The following AATK variants were observed in gnomAD, a reference collection of about 807,000 sequenced individuals.
AATK encodes the protein serine/threonine-protein kinase LMTK1.
A neutral mutation model predicts 114.3 loss-of-function variants in AATK; 91 were observed. The ratio of observed to expected loss-of-function variants is 0.80; its 90% confidence interval spans 0.67 to 0.95. The LOEUF is 0.95. Among genes scored for constraint, AATK ranks in the 40% least tolerant of loss-of-function variants. The pLI, the probability that AATK is intolerant of heterozygous loss-of-function variation, is 0.00. For synonymous variants in AATK, 1,075 were observed against 916.5 expected (o/e 1.17, Z -3.12); for missense variants, 2,176 against 1,965.2 (o/e 1.11, Z -2.03).
intron 1 of AATK, among the ~76,000 whole-genome samples, chr17:81,140,108 C>A (rs973239061): frequency 6.6e-6 from 1 of 152,264 alleles, no homozygotes; most frequent in Middle Eastern, 3.4e-3. Context: ...GAACTCCTGG[C>A]CTCAAGCAGT....
chr17:81,121,003 C>T lies in AATK; in HGVS notation c.2933G>A (p.Arg978Gln), dbSNP rs766988346. ...GAGGCCACTGAGGGAGGTGGAGAGC[C>T]GTGTCTCGGGCCCGGGGCCCTCACC... ...SEGEGPGPET[R>Q]LSTSLSGLNE... The change falls in exon 11 of 14, where the codon CGG becomes CAG. Residue 978 changes from arginine (R) to glutamine (Q), a missense_variant. Physicochemically the swap from Arg to Gln is conservative, Grantham distance 43. Transcript: ENST00000326724. 1.0e-4 allele frequency: 169 copies of T among 1,610,328 alleles called. 1 individual carries two copies. The highest frequency in any genetic ancestry group is 3.3e-4 in the Middle Eastern group (2 of 6,078).
At position 81,119,361 on chromosome 17, in the gene AATK, A is replaced by G; in HGVS notation, c.4084+19T>C. ...TGCCTCCCGCGTGCCCTTCTGCCAC[A>G]GCCCCGCCCAGGCCTCACCTCTCTT... is the stretch of plus-strand genomic sequence containing the variant. On this transcript the variant is annotated intron_variant, in intron 13 of 13. Transcript: ENST00000326724. 1 of 498,494 alleles carries G rather than the reference A, an allele frequency of 2.0e-6. No individual in the cohort carries two copies. The allele number at this position is 498,494 out of a possible 1,614,324, so 30.9% of individuals were successfully genotyped here.
At chr17:81,165,405 C>T (rs535524310) in intron 1 of AATK, 10 of 290,272 alleles carry the variant, frequency 3.4e-5, no homozygotes, top group Non-Finnish European at 6.2e-5. Flanking sequence ...CCCACCAAGG[C>T]CCCTCTCTTC....
chr17:81,125,712 G>A lies in AATK; in HGVS notation c.756-698C>T, dbSNP rs112807964. Reference sequence around the variant, plus strand: ...ACTTCTGTGCTCAGGACTCAGGGTGGGGACAGAGGCCAACCCAGCCTGTCC... The same window carrying A: ...ACTTCTGTGCTCAGGACTCAGGGTGAGGACAGAGGCCAACCCAGCCTGTCC... On this transcript the variant is annotated intron_variant, in intron 7 of 13. Transcript: ENST00000326724. Among the ~76,000 whole-genome samples, 946 of 152,174 alleles carry A rather than the reference G, an allele frequency of 6.2e-3. 8 individuals are homozygous for A. Among genetic ancestry groups the A allele is most frequent in the South Asian group, 0.043 (207 of 4,820 alleles).
chr17:81,139,202 GGGT>G (rs2146352791), intron 1 of AATK, among the ~76,000 whole-genome samples: 1 of 152,276 alleles, frequency 6.6e-6, no homozygotes, highest in South Asian at 2.1e-4. Context: ...CACACCCAAA[GGGT>G]GGCCTGGCTC....
intron 2 of AATK, among the ~76,000 whole-genome samples, chr17:81,133,016 T>C (rs534878004): frequency 1.3e-5 from 2 of 152,278 alleles, no homozygotes; most frequent in African/African-American, 4.8e-5. Flanking sequence ...CGCCAAGACC[T>C]TGAGGCTCTG....
chr17:81,118,734 C>T (rs2060611318), intron 13 of AATK, among the ~76,000 whole-genome samples: 1 of 152,236 alleles, frequency 6.6e-6, no homozygotes, highest in Admixed American at 6.5e-5. Context: ...GGTGACCTGC[C>T]TGCTTGTTCA....
In AATK at chr17:81,121,983, T is replaced by G; in HGVS notation, c.1953A>C (p.Ser651=). 1 of 1,601,482 alleles carries G rather than the reference T, an allele frequency of 6.2e-7. No homozygotes were observed. The highest frequency in any genetic ancestry group is 1.3e-5 in the African/African-American group (1 of 75,020). ...CAGTCAGCGGCAGCGGGGGCGCCCCTGAGCTCCCCAAAGGGGACGTGCCCA... is the reference window on the plus strand; with the variant it reads ...CAGTCAGCGGCAGCGGGGGCGCCCCGGAGCTCCCCAAAGGGGACGTGCCCA... The part of the protein sequence containing the change: ...DPLGTSPLGS[S]GAPPLPLTGE... Residue 651 remains serine, a synonymous_variant, in exon 11 of 14, where the codon TCA becomes TCC. Coordinates refer to ENST00000326724, the MANE Select transcript of AATK (RefSeq NM_001080395.3).
intron 1 of AATK, among the ~76,000 whole-genome samples, chr17:81,155,269 T>C (rs931932534): frequency 6.6e-6 from 1 of 152,232 alleles, no homozygotes; most frequent in Non-Finnish European, 1.5e-5. Context: ...GTCAAGAGAC[T>C]TAAGTCATCG....
chr17:81,164,294 C>T (rs2061459809), intron 1 of AATK, among the ~76,000 whole-genome samples: 1 of 152,170 alleles, frequency 6.6e-6, no homozygotes, highest in African/African-American at 2.4e-5. Context: ...CCTCCCTAAC[C>T]CTCTCATGGG....
At chr17:81,129,583 C>G (rs1212463157) in intron 3 of AATK, among the ~76,000 whole-genome samples, 1 of 152,200 alleles carries the variant, frequency 6.6e-6, no homozygotes, top group Non-Finnish European at 1.5e-5. Context: ...ATTCCTCCCC[C>G]AGAAAACTGA....
At chr17:81,120,134 G>T (rs895167121) in intron 11 of AATK, 51 bp from the exon 12 acceptor site, 7 of 1,492,786 alleles carry the variant, frequency 4.7e-6, no homozygotes, top group African/African-American at 2.8e-5. Context: ...AGCCGCGGCC[G>T]CTCCCACCCC....
At position 81,120,796 on chromosome 17, in the gene AATK, G is replaced by A. The variant is rs1337223899; in HGVS notation, c.3140C>T (p.Ala1047Val). ...VCLRPGVSGE[A>V]QGSGPGEVLP... ...CACCTCCCCGGGGCCAGAGCCTTGT[G>A]CCTCCCCGGAAACCCCAGGCCTGAG... The change falls in exon 11 of 14, where the codon GCA (alanine) becomes GTA (valine). Residue 1047 changes from alanine (A) to valine (V), a missense_variant. Physicochemically the swap from Ala to Val is moderately conservative, Grantham distance 64. This residue lies in a region of AATK where 1,701 missense variants were observed against 1,394.7 expected (regional missense o/e 1.22). Coordinates refer to ENST00000326724, the MANE Select transcript of AATK (RefSeq NM_001080395.3). 1 of 1,568,730 alleles carries A rather than the reference G, an allele frequency of 6.4e-7. No homozygotes were observed. The highest frequency in any genetic ancestry group is 8.6e-7 in the Non-Finnish European group (1 of 1,157,482).
intron 1 of AATK, chr17:81,165,708 C>G: frequency 1.3e-6 from 2 of 1,519,900 alleles, no homozygotes; most frequent in Non-Finnish European, 1.8e-6. Flanking sequence ...GCCACGGAGT[C>G]ACGACCACGC....
rs760872949 is a variant in AATK at position 81,131,208 on chromosome 17, G to GCGGGC, written c.190-8_190-4dup. 1.2e-4 allele frequency: 186 copies of GCGGGC among 1,571,244 alleles called. 1 individual carries two copies. Among genetic ancestry groups the GCGGGC allele is most frequent in the Middle Eastern group, 1.7e-4 (1 of 6,046 alleles). On this transcript the variant is annotated splice_polypyrimidine_tract_variant and splice_region_variant and intron_variant, in intron 2 of 13. Transcript: ENST00000326724. ...TCCCCCTCCGCATTCTCAAACTCCT[G>GCGGGC]CGGGCCGGGCCGGGCATGAGCGGGG...
chr17:81,141,871 T>C (rs906948319), intron 1 of AATK, among the ~76,000 whole-genome samples: 6 of 152,104 alleles, frequency 3.9e-5, no homozygotes, highest in African/African-American at 1.4e-4. Context: ...GTGCCAGCAG[T>C]TACTTACTTT....
chr17:81,121,139 G>C lies in AATK; in HGVS notation c.2797C>G (p.Arg933Gly). 6.2e-7 allele frequency: 1 copy of C among 1,604,952 alleles called. No individual in the cohort carries two copies. The highest frequency in any genetic ancestry group is 8.5e-7 in the Non-Finnish European group (1 of 1,176,612). The change falls in exon 11 of 14, where the codon CGA (arginine) becomes GGA (glycine). Residue 933 changes from arginine (R) to glycine (G), a missense_variant. Coordinates refer to ENST00000326724, the MANE Select transcript of AATK (RefSeq NM_001080395.3). Reference protein sequence around the residue: ...SATGPSGGQPRALDSGYDTEN... With the variant: ...SATGPSGGQPGALDSGYDTEN... ...GTGTCATAGCCACTGTCCAGCGCTC[G>C]CGGCTGCCCTCCAGAGGGGCCAGTG...
intron 9 of AATK, among the ~76,000 whole-genome samples, chr17:81,123,765 G>T (rs1292912942): frequency 6.6e-6 from 1 of 151,228 alleles, no homozygotes; most frequent in Non-Finnish European, 1.5e-5. Context: ...GGAGAGAGGG[G>T]ACGCCTCAGG....
chr17:81,124,906 C>T, intron 8 of AATK, 24 bp downstream of exon 8: 1 of 924,774 alleles, frequency 1.1e-6, no homozygotes, highest in Non-Finnish European at 1.8e-6. Flanking sequence ...TCATGCCCAG[C>T]CCAGCCCACC....
Sources: gnomAD v4.1 joint callset for allele counts (sites outside exome capture counted in the v4.1 genomes callset) on GRCh38, gnomAD v4.1.1 for gene constraint, gnomAD v4.1.1 regional missense constraint, MANE v1.5 for transcripts, NCBI Gene and HGNC (gene_info 2026-07-23, HGNC 2026-07-21) for gene names.